Variants in CDKL4 observed in about 807,000 individuals in gnomAD.
CDKL4 encodes the protein cyclin dependent kinase like 4.
A neutral mutation model predicts 42.0 loss-of-function variants in CDKL4; 44 were observed. The observed-to-expected ratio is 1.05, with a 90% CI of 0.82 to 1.35. The LOEUF (loss-of-function observed/expected upper bound fraction) is 1.35. CDKL4 is among the 40% of genes most tolerant of loss of function. The pLI is 0.00. For missense variants in CDKL4, 393 were observed against 369.9 expected (o/e 1.06, Z -0.51); for synonymous variants, 120 against 121.6 (o/e 0.99, Z 0.09).
upstream of CDKL4, among the ~76,000 whole-genome samples, chr2:39,246,560 C>T (rs1679922611): frequency 6.6e-6 from 1 of 152,224 alleles, no homozygotes; most frequent in Admixed American, 6.5e-5. Context: ...GCTTCAGGCA[C>T]CCGAAACTCT....
chr2:39,208,232 C>A (rs1677331433), intron 4 of CDKL4, among the ~76,000 whole-genome samples: 1 of 152,184 alleles, frequency 6.6e-6, no homozygotes, highest in Admixed American at 6.5e-5. Context: ...AAGCCACACT[C>A]AATGCAAACT....
intron 4 of CDKL4, among the ~76,000 whole-genome samples, chr2:39,211,045 C>G (rs1016217523): frequency 6.6e-6 from 1 of 152,164 alleles, no homozygotes; most frequent in Non-Finnish European, 1.5e-5. Flanking sequence ...CCATATGGTA[C>G]TCTGTATCAT....
intron 3 of CDKL4, among the ~76,000 whole-genome samples, chr2:39,216,192 C>A (rs61510616): frequency 0.034 from 5,169 of 152,130 alleles, 301 homozygotes; most frequent in African/African-American, 0.12. Context: ...GTAATCTATC[C>A]CCTCAATGTC....
intron 1 of CDKL4, among the ~76,000 whole-genome samples, chr2:39,237,929 T>A (rs1375336524): frequency 6.6e-6 from 1 of 151,952 alleles, no homozygotes; most frequent in African/African-American, 2.4e-5. Context: ...AATTTGAAAA[T>A]AAAGTTAAGA....
chr2:39,180,630 G>GA (rs1675383612), intron 8 of CDKL4, among the ~76,000 whole-genome samples: 2 of 150,956 alleles, frequency 1.3e-5, no homozygotes, highest in African/African-American at 4.9e-5. Context: ...GCTGCTGCTG[G>GA]AAAAACATTC....
intron 4 of CDKL4, among the ~76,000 whole-genome samples, chr2:39,213,056 T>C (rs911065088): frequency 1.3e-5 from 2 of 152,240 alleles, no homozygotes; most frequent in African/African-American, 4.8e-5. Context: ...TTTTAATTCA[T>C]AAGGAATTAG....
chr2:39,214,546 A>G (rs1479912382), intron 3 of CDKL4, among the ~76,000 whole-genome samples: 5 of 152,318 alleles, frequency 3.3e-5, no homozygotes, highest in Middle Eastern at 3.4e-3. Context: ...CCATCTTATG[A>G]TATTTACACA....
At chr2:39,179,041 A>G (rs1222829792) in intron 9 of CDKL4, 146 bp downstream of exon 9, 14 of 1,490,016 alleles carry the variant, frequency 9.4e-6, no homozygotes, top group Non-Finnish European at 4.4e-6. Context: ...TACATCAATT[A>G]CCAATATTTA....
At chr2:39,188,470 G>T (rs986694864) in intron 6 of CDKL4, among the ~76,000 whole-genome samples, 2 of 142,852 alleles carry the variant, frequency 1.4e-5, no homozygotes, top group African/African-American at 2.6e-5. Context: ...GCTGAGGCAG[G>T]AGAATCGCTT....
chr2:39,229,601 G>GCAAGTCTACCTTATT lies in CDKL4; in HGVS notation c.-56-14_-56-13insAATAAGGTAGACTTG. 3 of 1,272,236 alleles carry GCAAGTCTACCTTATT rather than the reference G, an allele frequency of 2.4e-6. No homozygotes were observed. The highest frequency in any genetic ancestry group is 2.2e-6 in the Non-Finnish European group (2 of 916,314). The allele number at this position is 1,272,236 out of a possible 1,614,324, so 78.8% of individuals were successfully genotyped here. Reference sequence around the variant, plus strand: ...TACAATGCTGCACCTGGAAAATAAGGTAGACTTGCCTTAATCAAGCTATAA... The same window carrying GCAAGTCTACCTTATT: ...TACAATGCTGCACCTGGAAAATAAGGCAAGTCTACCTTATTTAGACTTGCCTTAATCAAGCTATAA... On this transcript the variant is annotated splice_polypyrimidine_tract_variant and intron_variant, in intron 1 of 9. Transcript: ENST00000451199.
chr2:39,183,220 C>T (rs1675541322), intron 8 of CDKL4, among the ~76,000 whole-genome samples: 1 of 151,498 alleles, frequency 6.6e-6, no homozygotes, highest in African/African-American at 2.4e-5. Context: ...GCGGAGGTTA[C>T]AGTGAGCGGA....
intron 1 of CDKL4, among the ~76,000 whole-genome samples, chr2:39,233,077 A>AAAAAG (rs3086401): frequency 0.85 from 116,651 of 137,260 alleles, 49,814 homozygotes; most frequent in Non-Finnish European, 0.89. Context: ...AGAAAGAAAG[A>AAAAAG]AAAAGAAAAG....
chr2:39,240,883 T>G (rs955059187), intron 1 of CDKL4, among the ~76,000 whole-genome samples: 2 of 152,300 alleles, frequency 1.3e-5, no homozygotes, highest in African/African-American at 4.8e-5. Context: ...GAGTTAACAA[T>G]AGACATGGCC....
chr2:39,221,044 G>A (rs575999267), intron 3 of CDKL4, among the ~76,000 whole-genome samples: 2 of 114,862 alleles, frequency 1.7e-5, no homozygotes, highest in Non-Finnish European at 3.3e-5. Context: ...ACAGAGTCTC[G>A]CTCTTGTCGC....
chr2:39,178,359 C>T (rs1285797949), intron 9 of CDKL4, among the ~76,000 whole-genome samples: 1 of 152,162 alleles, frequency 6.6e-6, no homozygotes, highest in African/African-American at 2.4e-5. Context: ...TAAGCAAACG[C>T]AAACTGTGAA....
chr2:39,245,185 C>A (rs1158674390), upstream of CDKL4, among the ~76,000 whole-genome samples: 1 of 152,192 alleles, frequency 6.6e-6, no homozygotes, highest in African/African-American at 2.4e-5. Flanking sequence ...CTACTGCTCA[C>A]TCTGGGTCCA....
At chr2:39,234,557 TC>T (rs1679257415) in intron 1 of CDKL4, among the ~76,000 whole-genome samples, 1 of 152,044 alleles carries the variant, frequency 6.6e-6, no homozygotes, top group Non-Finnish European at 1.5e-5. Flanking sequence ...GAAATAATAA[TC>T]CAATAAAATT....
At chr2:39,230,671 T>C (rs1426089688) in intron 1 of CDKL4, among the ~76,000 whole-genome samples, 1 of 152,220 alleles carries the variant, frequency 6.6e-6, no homozygotes, top group African/African-American at 2.4e-5. Flanking sequence ...CACCCCACTT[T>C]ATCCAGCAGA....
rs57132937 is a variant in CDKL4 at position 39,243,113 on chromosome 2, CAAAAAAAAAAAAAAAA to C, written c.-57+742_-57+757del. 4.2e-4 allele frequency among the ~76,000 whole-genome samples: 16 copies of C among 38,438 alleles called. No homozygotes were observed. In the South Asian group the frequency reaches 7.8e-3, roughly 19 times the overall value. 25.2% of individuals were successfully genotyped at this position (38,438 alleles called of 152,430 possible). A position where few individuals can be genotyped will look rare whatever the true frequency, so the allele number is the denominator to read the frequency against. ...TGGGGAACAAAGTGAGACCCTGTCTCAAAAAAAAAAAAAAAAAAAAAAAAAAAAAAAAAAAAAAGGA... is the reference window on the plus strand; with the variant it reads ...TGGGGAACAAAGTGAGACCCTGTCTCAAAAAAAAAAAAAAAAAAAAAAGGA... On this transcript the variant is annotated intron_variant, in intron 1 of 9. Transcript: ENST00000451199.
Sources: allele counts gnomAD v4.1 joint callset (sites outside exome capture counted in the v4.1 genomes callset), GRCh38; gene constraint gnomAD v4.1.1; transcripts MANE v1.5; gene names NCBI Gene and HGNC (gene_info 2026-07-23, HGNC 2026-07-21).